Variants in NR5A2 observed in about 807,000 individuals in gnomAD.
NR5A2 encodes nuclear receptor subfamily 5 group A member 2.
A neutral mutation model predicts 62.7 loss-of-function variants in NR5A2; 26 were observed. That is an observed-to-expected ratio of 0.41 (90% confidence interval 0.30 to 0.58). The LOEUF (loss-of-function observed/expected upper bound fraction) is 0.58. NR5A2 is among the 20% of genes least tolerant of loss of function. The pLI, the probability that NR5A2 is intolerant of heterozygous loss-of-function variation, is 0.22. For missense variants in NR5A2, 541 were observed against 669.1 expected (o/e 0.81, Z 2.11); for synonymous variants, 246 against 241.7 (o/e 1.02, Z -0.16).
chr1:200,083,985 TAATA>T (rs1443613045), intron 5 of NR5A2, among the ~76,000 whole-genome samples: 1 of 148,252 alleles, frequency 6.7e-6, no homozygotes, highest in African/African-American at 2.5e-5. Context: ...ATAATAATAA[TAATA>T]ATAATAATAA....
At chr1:200,168,262 A>T (rs1032273640) in intron 7 of NR5A2, among the ~76,000 whole-genome samples, 27 of 148,062 alleles carry the variant, frequency 1.8e-4, no homozygotes, top group Non-Finnish European at 3.9e-4. Flanking sequence ...CCCAGGCTGG[A>T]GTGCAGTGGC....
chr1:200,101,578 C>T (rs1405327245), intron 5 of NR5A2, among the ~76,000 whole-genome samples: 1 of 152,206 alleles, frequency 6.6e-6, no homozygotes, highest in East Asian at 1.9e-4. Context: ...TCCTTTTCCT[C>T]CTCTATCTTA....
chr1:200,143,132 TTCTC>T (rs1041943568), intron 7 of NR5A2, among the ~76,000 whole-genome samples: 1 of 152,192 alleles, frequency 6.6e-6, no homozygotes, highest in African/African-American at 2.4e-5. Flanking sequence ...TTCCGTCTCT[TTCTC>T]CTGTCTTGTG....
intron 7 of NR5A2, among the ~76,000 whole-genome samples, chr1:200,144,746 T>C (rs12064359): frequency 0.024 from 3,729 of 152,330 alleles, 167 homozygotes; most frequent in African/African-American, 0.086. Context: ...GATACATCGT[T>C]ATCTCATTTA....
chr1:200,106,586 G>A (rs1665679448), intron 5 of NR5A2, among the ~76,000 whole-genome samples: 1 of 152,192 alleles, frequency 6.6e-6, no homozygotes, highest in Non-Finnish European at 1.5e-5. Flanking sequence ...CCACTAGTGA[G>A]AGGTTTTGCT....
rs191525079 is a variant in NR5A2, at chr1:200,084,285, C to G, written c.1111-26917C>G. 3.9e-5 allele frequency among the ~76,000 whole-genome samples: 6 copies of G among 152,278 alleles called. No homozygotes were observed. The East Asian group carries it at 9.7e-4, about 24-fold the overall frequency. On this transcript the variant is annotated intron_variant, in intron 5 of 7. Transcript: ENST00000367362. The stretch of plus-strand genomic sequence containing the variant: ...ATCTTAGCAATGGAATGTTTCTGCT[C>G]TCTTTCTGTTTAAGCCTTCAGGAGA...
In NR5A2 at chr1:200,048,687, C is replaced by T. The variant is rs1206691380; in HGVS notation, c.979C>T (p.Gln327Ter). Residue 327 changes from glutamine (Q) to a stop codon, truncating the protein, a stop_gained, in exon 5 of 8, where the codon CAG becomes TAG. Transcript: ENST00000367362. LOFTEE classifies it high-confidence loss of function. This position sits in a 1 kb window ranked among gnomAD's most constrained non-coding sequence, Gnocchi z 4.8. Reference sequence around the variant, plus strand: ...CCAGGCTAAAATCATGGCCTATTTGCAGCAAGAGCAGGCTAACCGAAGCAA... The same window carrying T: ...CCAGGCTAAAATCATGGCCTATTTGTAGCAAGAGCAGGCTAACCGAAGCAA... ...QVQAKIMAYLQQEQANRSKHE... is the reference protein window; with the variant it reads ...QVQAKIMAYL 1 of 1,614,208 alleles carries T rather than the reference C, an allele frequency of 6.2e-7. No individual in the cohort carries two copies. The highest frequency in any genetic ancestry group is 8.5e-7 in the Non-Finnish European group (1 of 1,180,040).
At chr1:200,091,373 C>T (rs1664804343) in intron 5 of NR5A2, among the ~76,000 whole-genome samples, 1 of 151,912 alleles carries the variant, frequency 6.6e-6, no homozygotes, top group African/African-American at 2.4e-5. Flanking sequence ...AACTAAAGCT[C>T]AGGGGGTTTA....
At chr1:200,041,405 A>C (rs1418305189) in intron 2 of NR5A2, among the ~76,000 whole-genome samples, 4 of 152,122 alleles carry the variant, frequency 2.6e-5, no homozygotes, top group Non-Finnish European at 4.4e-5. Context: ...CGCCGGGGCA[A>C]GGCTTCGTCG....
intron 5 of NR5A2, among the ~76,000 whole-genome samples, chr1:200,074,736 CAAAAAA>C (rs199556915): frequency 0.41 from 27,705 of 67,656 alleles, 3,999 homozygotes; most frequent in Middle Eastern, 0.49. Flanking sequence ...GAGTCCATCT[CAAAAAA>C]AAAAAAAAAA....
At chr1:200,088,184 C>T (rs1664643816) in intron 5 of NR5A2, among the ~76,000 whole-genome samples, 1 of 151,120 alleles carries the variant, frequency 6.6e-6, no homozygotes, top group Non-Finnish European at 1.5e-5. Context: ...GCATTAGAGG[C>T]GTGAGCCATG....
At chr1:200,142,889 C>T (rs973172466) in intron 7 of NR5A2, among the ~76,000 whole-genome samples, 1 of 151,974 alleles carries the variant, frequency 6.6e-6, no homozygotes, top group Non-Finnish European at 1.5e-5. Context: ...CTCTATTTCT[C>T]TCTTAAACAC....
At chr1:200,052,021 T>C (rs1662658131) in intron 5 of NR5A2, among the ~76,000 whole-genome samples, 1 of 152,196 alleles carries the variant, frequency 6.6e-6, no homozygotes, top group African/African-American at 2.4e-5. Context: ...TCTGATATTT[T>C]CTATCTATTC....
At chr1:200,086,048 G>C (rs928654603) in intron 5 of NR5A2, among the ~76,000 whole-genome samples, 1 of 152,134 alleles carries the variant, frequency 6.6e-6, no homozygotes, top group African/African-American at 2.4e-5. Flanking sequence ...GTGGTGAGAT[G>C]GGGGGTGGTG....
intron 5 of NR5A2, among the ~76,000 whole-genome samples, chr1:200,072,356 T>A (rs1024778757): frequency 6.6e-6 from 1 of 152,194 alleles, no homozygotes; most frequent in African/African-American, 2.4e-5. Context: ...AATAAATTCA[T>A]GGTGGGTTGG....
chr1:200,118,021 T>TTTC lies in NR5A2; in HGVS notation c.1231-2785_1231-2784insCTT, dbSNP rs1553274551. Among the ~76,000 whole-genome samples, 187 of 130,880 alleles carry TTTC rather than the reference T, an allele frequency of 1.4e-3. 3 individuals are homozygous for TTTC. The highest frequency in any genetic ancestry group is 5.1e-3 in the Middle Eastern group (1 of 198). 85.9% of individuals were successfully genotyped at this position (130,880 alleles called of 152,430 possible). Reference sequence around the variant, plus strand: ...GAGCCGCCGCACCTCGCCTTTTTCTTTTTTTTTTTTTTTTTGAGACAGTCT... The same window carrying TTTC: ...GAGCCGCCGCACCTCGCCTTTTTCTTTTCTTTTTTTTTTTTTTTGAGACAGTCT... On this transcript the variant is annotated intron_variant, in intron 6 of 7. Coordinates refer to ENST00000367362, the MANE Select transcript of NR5A2 (RefSeq NM_205860.3).
At chr1:200,029,057 G>A in intron 1 of NR5A2, 1 of 448,524 alleles carries the variant, frequency 2.2e-6, no homozygotes, top group Admixed American at 2.4e-5. Flanking sequence ...ACAGGCACAA[G>A]AAAGATGAGA....
chr1:200,077,285 G>T (rs1238125347), intron 5 of NR5A2, among the ~76,000 whole-genome samples: 1 of 152,252 alleles, frequency 6.6e-6, no homozygotes. Flanking sequence ...CCAAAGGAAA[G>T]ATTGGTATCA....
At chr1:200,074,459 C>T (rs1288803778) in intron 5 of NR5A2, among the ~76,000 whole-genome samples, 2 of 151,182 alleles carry the variant, frequency 1.3e-5, no homozygotes, top group East Asian at 1.9e-4. Context: ...GAAAAAGGGC[C>T]GGGTGCGGTG....
Sources: allele counts gnomAD v4.1 joint callset (sites outside exome capture counted in the v4.1 genomes callset), GRCh38; gene constraint gnomAD v4.1.1; non-coding constraint Gnocchi (gnomAD v3.1); transcripts MANE v1.5; gene names NCBI Gene and HGNC (gene_info 2026-07-23, HGNC 2026-07-21).